Variants in SNTB1 observed in about 807,000 individuals in gnomAD.
SNTB1 encodes beta-1-syntrophin.
A neutral mutation model predicts 48.9 loss-of-function variants in SNTB1; 36 were observed. The observed-to-expected ratio is 0.74, with a 90% CI of 0.56 to 0.97. The LOEUF is 0.97. SNTB1 is among the 50% of genes least tolerant of loss of function. The pLI is 0.00. For missense variants in SNTB1, 786 were observed against 703.4 expected (o/e 1.12, Z -1.33); for synonymous variants, 299 against 294.6 (o/e 1.01, Z -0.15).
At chr8:120,738,167 C>A (rs574811068) in intron 1 of SNTB1, among the ~76,000 whole-genome samples, 1 of 152,274 alleles carries the variant, frequency 6.6e-6, no homozygotes, top group East Asian at 1.9e-4. Flanking sequence ...AAGAAGACAC[C>A]TTCTATGAAC....
At chr8:120,647,310 T>C (rs1817314577) in intron 2 of SNTB1, among the ~76,000 whole-genome samples, 1 of 143,402 alleles carries the variant, frequency 7.0e-6, no homozygotes, top group African/African-American at 2.6e-5. Flanking sequence ...TTTAGTGCTA[T>C]AAATTTCCCT....
intron 2 of SNTB1, chr8:120,637,663 T>C: frequency 2.9e-6 from 1 of 348,106 alleles, no homozygotes; most frequent in South Asian, 2.5e-5. Context: ...TTTATTATTT[T>C]AGGAAGAATA....
intron 4 of SNTB1, among the ~76,000 whole-genome samples, chr8:120,553,664 T>A (rs1176961533): frequency 6.6e-6 from 1 of 152,242 alleles, no homozygotes; most frequent in East Asian, 1.9e-4. Flanking sequence ...AGAGCAATTT[T>A]ATGGCTGATT....
chr8:120,702,647 C>T (rs904528458), intron 1 of SNTB1, among the ~76,000 whole-genome samples: 2 of 151,810 alleles, frequency 1.3e-5, no homozygotes, highest in African/African-American at 4.9e-5. Context: ...TGGCTTATTC[C>T]ACGCCAGGCA....
chr8:120,680,915 T>C (rs759309757), intron 2 of SNTB1, among the ~76,000 whole-genome samples: 4 of 150,924 alleles, frequency 2.7e-5, no homozygotes, highest in Non-Finnish European at 5.9e-5. Flanking sequence ...TGGGCTAAAA[T>C]GAACTCATAA....
chr8:120,654,923 T>A (rs1158994209), intron 2 of SNTB1: 1 of 455,046 alleles, frequency 2.2e-6, no homozygotes, highest in Non-Finnish European at 4.4e-6. Context: ...ATGAAACTAG[T>A]CAGGAGGATG....
intron 2 of SNTB1, among the ~76,000 whole-genome samples, chr8:120,654,218 G>A (rs566654192): frequency 3.3e-5 from 5 of 151,902 alleles, no homozygotes; most frequent in East Asian, 1.9e-4. Flanking sequence ...CAGTACCCTC[G>A]ACTTCCTTCT....
chr8:120,793,503 C>T (rs574623067), intron 1 of SNTB1, among the ~76,000 whole-genome samples: 4 of 152,062 alleles, frequency 2.6e-5, no homozygotes, highest in South Asian at 2.1e-4. Context: ...ACAGGCTGCC[C>T]GTGAAGAAAT....
At chr8:120,726,223 C>G (rs1398489214) in intron 1 of SNTB1, among the ~76,000 whole-genome samples, 1 of 152,154 alleles carries the variant, frequency 6.6e-6, no homozygotes, top group Admixed American at 6.5e-5. Flanking sequence ...ACATACATTT[C>G]TGAAGAAATC....
At chr8:120,592,864 G>A (rs886142425) in intron 3 of SNTB1, among the ~76,000 whole-genome samples, 2 of 152,156 alleles carry the variant, frequency 1.3e-5, no homozygotes, top group African/African-American at 4.8e-5. Context: ...GGAGGTAACA[G>A]GGCCGGTGAA....
At chr8:120,699,804 G>T (rs1173154262) in intron 1 of SNTB1, among the ~76,000 whole-genome samples, 1 of 152,020 alleles carries the variant, frequency 6.6e-6, no homozygotes, top group Admixed American at 6.5e-5. Flanking sequence ...GGCTATTACT[G>T]GGGAAAATGA....
chr8:120,580,962 G>A (rs1019452841), intron 3 of SNTB1, among the ~76,000 whole-genome samples: 5 of 151,822 alleles, frequency 3.3e-5, no homozygotes, highest in African/African-American at 1.2e-4. Context: ...GCTGGCTCAC[G>A]TCTGTAACCC....
Position 120,775,191 on chromosome 8 carries a change from A to G in SNTB1, c.571+36082T>C, listed in dbSNP as rs536151799. ...GTCTTCTTTGTGTTTTGAGGGGAGA[A>G]GGGAGATGCTTGCTTTGTATGGGTT... is the stretch of plus-strand genomic sequence containing the variant. On this transcript the variant is annotated intron_variant, in intron 1 of 6. Transcript: ENST00000517992. 9 of 152,302 alleles carry G rather than the reference A, an allele frequency of 5.9e-5. No individual in the cohort carries two copies. In the South Asian group the frequency reaches 1.9e-3, roughly 32 times the overall value. 9.4% of individuals were successfully genotyped at this position (152,302 alleles called of 1,614,324 possible).
At chr8:120,666,034 TCA>T (rs1221342082) in intron 2 of SNTB1, among the ~76,000 whole-genome samples, 3 of 152,192 alleles carry the variant, frequency 2.0e-5, no homozygotes, top group Non-Finnish European at 4.4e-5. Flanking sequence ...AGCTGTTTGG[TCA>T]TTCTGAGTCC....
intron 1 of SNTB1, among the ~76,000 whole-genome samples, chr8:120,800,608 A>G (rs1311793135): frequency 6.6e-6 from 1 of 152,084 alleles, no homozygotes; most frequent in Non-Finnish European, 1.5e-5. Context: ...GCAGCGCTCC[A>G]GGAAAAAAAT....
chr8:120,647,608 G>C (rs1817321764), intron 2 of SNTB1, among the ~76,000 whole-genome samples: 1 of 144,750 alleles, frequency 6.9e-6, no homozygotes, highest in Non-Finnish European at 1.5e-5. Context: ...TTTTGGAATA[G>C]GTGTGGTGTG....
chr8:120,608,919 A>T (rs927534520), intron 3 of SNTB1, among the ~76,000 whole-genome samples: 5 of 152,224 alleles, frequency 3.3e-5, no homozygotes, highest in Non-Finnish European at 7.3e-5. Flanking sequence ...ATGGATTTTT[A>T]AAAAAGTAAT....
chr8:120,717,262 G>A (rs186488770), intron 1 of SNTB1, among the ~76,000 whole-genome samples: 3 of 152,304 alleles, frequency 2.0e-5, no homozygotes, highest in Non-Finnish European at 2.9e-5. Context: ...CTGCCTAGGC[G>A]ATATGAAATA....
chr8:120,804,720 C>G (rs555545134), intron 1 of SNTB1, among the ~76,000 whole-genome samples: 86 of 152,176 alleles, frequency 5.7e-4, no homozygotes, highest in African/African-American at 1.8e-3. Flanking sequence ...TGTAATACGC[C>G]CCCCCAAGGC....
Sources: gnomAD v4.1 joint callset for allele counts (sites outside exome capture counted in the v4.1 genomes callset) on GRCh38, gnomAD v4.1.1 for gene constraint, MANE v1.5 for transcripts, NCBI Gene and HGNC (gene_info 2026-07-23, HGNC 2026-07-21) for gene names.